Variants in RP1 observed in about 807,000 individuals in gnomAD.
RP1 encodes the protein RP1 axonemal microtubule associated.
In RP1, 16 loss-of-function variants were observed where a neutral mutation model predicts 14.8. The ratio of observed to expected loss-of-function variants is 1.08; its 90% CI spans 0.73 to 1.65. The LOEUF (loss-of-function observed/expected upper bound fraction) is 1.65. RP1 is among the 40% of genes most tolerant of loss of function. The pLI is 0.00. For synonymous variants in RP1, 876 were observed against 883.6 expected (o/e 0.99, Z 0.15); for missense variants, 2,631 against 2,535.0 (o/e 1.04, Z -0.81).
At chr8:54,655,796 T>G (rs183493225) in intron 5 of RP1, among the ~76,000 whole-genome samples, 1 of 152,066 alleles carries the variant, frequency 6.6e-6, no homozygotes, top group African/African-American at 2.4e-5. Flanking sequence ...GGTGGGAGGA[T>G]CACTTCAGCC....
chr8:54,648,892 C>T lies in RP1; in HGVS notation c.788-93C>T, dbSNP rs377012665. The T allele has an allele frequency of 1.0e-4, 87 of 845,512 alleles. No individual in the cohort carries two copies. The African/African-American group carries it at 1.4e-3, about 14-fold the overall frequency. 52.4% of individuals were successfully genotyped at this position (845,512 alleles called of 1,614,324 possible). The stretch of plus-strand genomic sequence containing the variant: ...GAGATGAAGAATAAGTTTTGTCTAT[C>T]CTGAACTCTCCTAGTTTTATGATGA... On this transcript the variant is annotated intron_variant, in intron 3 of 22. Transcript: ENST00000636932.
rs148703435 is a variant in RP1, at chr8:54,696,681, G to C, written c.1718-2786G>C. 3.6e-4 allele frequency: 269 copies of C among 753,758 alleles called. No individual in the cohort carries two copies. The African/African-American group carries it at 4.4e-3, about 12-fold the overall frequency. The allele number at this position is 753,758 out of a possible 1,614,324, so 46.7% of individuals were successfully genotyped here. ...TTGGCCTTTGTTGTACGCATCAAAA[G>C]GATTGATGGTGTGATTTTACTGGTG... On this transcript the variant is annotated intron_variant, in intron 12 of 22. Coordinates refer to the RP1 transcript ENST00000636932.
chr8:54,686,044 A>C (rs1223702808), intron 12 of RP1, among the ~76,000 whole-genome samples: 1 of 152,156 alleles, frequency 6.6e-6, no homozygotes, highest in Non-Finnish European at 1.5e-5. Context: ...CAAATAGAAA[A>C]ACTTTTTACC....
At chr8:54,781,904 G>T (rs1355739035) in intron 23 of RP1, among the ~76,000 whole-genome samples, 2 of 152,048 alleles carry the variant, frequency 1.3e-5, no homozygotes, top group Non-Finnish European at 2.9e-5. Context: ...TGAATCAATG[G>T]TTCCTTGCTA....
chr8:54,780,735 G>T (rs1220945525), intron 23 of RP1, among the ~76,000 whole-genome samples: 1 of 152,150 alleles, frequency 6.6e-6, no homozygotes, highest in Non-Finnish European at 1.5e-5. Context: ...ATGTTATACA[G>T]AAATACTACA....
At chr8:54,682,758 C>T (rs566167289) in intron 12 of RP1, among the ~76,000 whole-genome samples, 7 of 152,086 alleles carry the variant, frequency 4.6e-5, no homozygotes, top group Middle Eastern at 6.8e-3. Flanking sequence ...TTTCTGTTCA[C>T]GCTGATGATA....
intron 24 of RP1, among the ~76,000 whole-genome samples, chr8:54,790,069 A>G (rs1810424886): frequency 1.3e-5 from 2 of 152,138 alleles, no homozygotes; most frequent in South Asian, 4.1e-4. Context: ...CTTCTTGGCC[A>G]GGGAAAGCAG....
chr8:54,814,257 A>G (rs1811081313), intron 24 of RP1, among the ~76,000 whole-genome samples: 1 of 152,174 alleles, frequency 6.6e-6, no homozygotes, highest in Admixed American at 6.6e-5. Flanking sequence ...TCTTGTTGTA[A>G]CTCTGAAAAT....
chr8:54,700,868 C>G (rs1366439140), intron 13 of RP1, among the ~76,000 whole-genome samples: 1 of 152,088 alleles, frequency 6.6e-6, no homozygotes, highest in African/African-American at 2.4e-5. Context: ...TGGTTTCTTG[C>G]AGATCAATAG....
At chr8:54,837,739 C>T (rs1359630385) in intron 25 of RP1, 1 of 889,690 alleles carries the variant, frequency 1.1e-6, no homozygotes, top group Non-Finnish European at 1.5e-6. Flanking sequence ...AGAATAGGGG[C>T]TGGCACCTTT....
At chr8:54,692,706 T>C (rs940977417) in intron 12 of RP1, among the ~76,000 whole-genome samples, 2 of 147,528 alleles carry the variant, frequency 1.4e-5, no homozygotes, top group African/African-American at 5.1e-5. Context: ...CATTGTAGAT[T>C]CTGGATATTA....
chr8:54,758,186 T>A (rs1309913538), intron 21 of RP1, among the ~76,000 whole-genome samples: 2 of 152,182 alleles, frequency 1.3e-5, no homozygotes, highest in African/African-American at 4.8e-5. Flanking sequence ...AAATTCATGA[T>A]CCTTTCCTCA....
chr8:54,794,457 A>G (rs1810536504), intron 24 of RP1, among the ~76,000 whole-genome samples: 1 of 152,084 alleles, frequency 6.6e-6, no homozygotes, highest in Admixed American at 6.6e-5. Context: ...GTTTGTCAAT[A>G]TTTGACAAGG....
At chr8:54,804,032 C>A (rs1810784312) in intron 24 of RP1, among the ~76,000 whole-genome samples, 1 of 151,964 alleles carries the variant, frequency 6.6e-6, no homozygotes, top group Non-Finnish European at 1.5e-5. Flanking sequence ...CACCCCACTG[C>A]ACTCCAGCCT....
intron 14 of RP1, among the ~76,000 whole-genome samples, chr8:54,704,886 ATCTC>A (rs763576840): frequency 6.6e-6 from 1 of 152,174 alleles, no homozygotes; most frequent in African/African-American, 2.4e-5. Flanking sequence ...TGAACATTTA[ATCTC>A]TCTCTTTTCC....
chr8:54,846,611 T>C (rs527736064), intron 25 of RP1, among the ~76,000 whole-genome samples: 1 of 152,354 alleles, frequency 6.6e-6, no homozygotes, highest in African/African-American at 2.4e-5. Context: ...GAAATCTTAA[T>C]CATTTTGACT....
chr8:54,821,194 A>G (rs1243686118), intron 24 of RP1, among the ~76,000 whole-genome samples: 5 of 152,214 alleles, frequency 3.3e-5, no homozygotes, highest in Non-Finnish European at 7.3e-5. Flanking sequence ...AAGAAAAAAC[A>G]AGGGGAAATA....
chr8:54,675,863 T>C (rs1052254432), intron 8 of RP1, among the ~76,000 whole-genome samples: 1 of 152,148 alleles, frequency 6.6e-6, no homozygotes, highest in Non-Finnish European at 1.5e-5. Flanking sequence ...TATAACAAAA[T>C]ACCTTAGACT....
intron 22 of RP1, among the ~76,000 whole-genome samples, chr8:54,759,919 TCCTCTTTTTCCA>T (rs1809598382): frequency 6.6e-6 from 1 of 152,138 alleles, no homozygotes; most frequent in Non-Finnish European, 1.5e-5. Context: ...CTGCCCTGTA[TCCTCTTTTTCCA>T]AATAGGTAAT....
Sources: gnomAD v4.1 joint callset for allele counts (sites outside exome capture counted in the v4.1 genomes callset) on GRCh38, gnomAD v4.1.1 for gene constraint, MANE v1.5 for transcripts, NCBI Gene and HGNC (gene_info 2026-07-23, HGNC 2026-07-21) for gene names.